Variants in ARHGAP5 observed in about 807,000 individuals in gnomAD.
ARHGAP5 encodes rho GTPase-activating protein 5.
In ARHGAP5, 23 loss-of-function variants were observed where a neutral mutation model predicts 116.6. The ratio of observed to expected loss-of-function variants is 0.20; its 90% confidence interval spans 0.14 to 0.28. The LOEUF (loss-of-function observed/expected upper bound fraction) is 0.28, where lower values mean the gene tolerates loss of function less well. Ranked by LOEUF, ARHGAP5 falls within the 10% of genes least tolerant of loss-of-function variation. The pLI is 1.00. For synonymous variants in ARHGAP5, 574 were observed against 602.0 expected (o/e 0.95, Z 0.68); for missense variants, 1,405 against 1,774.8 (o/e 0.79, Z 3.74).
At chr14:32,087,188 CAAT>C (rs1016006886) in intron 1 of ARHGAP5, among the ~76,000 whole-genome samples, 7 of 150,622 alleles carry the variant, frequency 4.6e-5, no homozygotes, top group African/African-American at 1.2e-4. Flanking sequence ...TGAAAAAAAA[CAAT>C]AAATTTTTTT....
At chr14:32,111,502 T>C (rs1226828237) in intron 2 of ARHGAP5, among the ~76,000 whole-genome samples, 1 of 152,124 alleles carries the variant, frequency 6.6e-6, no homozygotes, top group Non-Finnish European at 1.5e-5. Flanking sequence ...TAGTGGAGTT[T>C]TGAGGGTGAT....
intron 2 of ARHGAP5, among the ~76,000 whole-genome samples, chr14:32,110,510 A>G (rs983232012): frequency 6.6e-6 from 1 of 152,176 alleles, no homozygotes; most frequent in African/African-American, 2.4e-5. Context: ...CAAAAGTGCA[A>G]GGCAGGAGCA....
intron 3 of ARHGAP5, among the ~76,000 whole-genome samples, chr14:32,117,772 A>G (rs1435137709): frequency 6.6e-6 from 1 of 152,118 alleles, no homozygotes; most frequent in Non-Finnish European, 1.5e-5. Flanking sequence ...GACATGGTTT[A>G]TATGATTTGA....
chr14:32,129,553 T>A (rs1186329462), intron 3 of ARHGAP5, among the ~76,000 whole-genome samples: 1 of 152,230 alleles, frequency 6.6e-6, no homozygotes, highest in Non-Finnish European at 1.5e-5. Flanking sequence ...TGAAAATGGA[T>A]GAATGAATCT....
chr14:32,110,589 G>A (rs1261711373), intron 2 of ARHGAP5, among the ~76,000 whole-genome samples: 1 of 151,490 alleles, frequency 6.6e-6, no homozygotes, highest in Non-Finnish European at 1.5e-5. Context: ...AGGGAAATTA[G>A]GTCAAAATGT....
intron 1 of ARHGAP5, among the ~76,000 whole-genome samples, chr14:32,080,078 G>A (rs1013328909): frequency 6.6e-6 from 1 of 151,866 alleles, no homozygotes; most frequent in Admixed American, 6.6e-5. Flanking sequence ...GGCTTTTGTC[G>A]ATTATTTTAT....
At chr14:32,104,603 AC>A (rs1389959232) in intron 2 of ARHGAP5, among the ~76,000 whole-genome samples, 1 of 152,152 alleles carries the variant, frequency 6.6e-6, no homozygotes, top group Non-Finnish European at 1.5e-5. Context: ...CTTCTTTCTT[AC>A]ACCAGTGTGT....
rs1453297411 is a variant in ARHGAP5 at position 32,091,101 on chromosome 14, T to C, written c.432T>C (p.Phe144=). Residue 144 remains phenylalanine, a synonymous_variant, in exon 2 of 7, where the codon TTT becomes TTC. Coordinates refer to ENST00000345122, the MANE Select transcript of ARHGAP5 (RefSeq NM_001030055.2). ...ATCAGCTAGGCTTAGAACAAGACTT[T>C]GAACAGAAGCAAATGCCTGAAGGGA... ...CTDQLGLEQD[F]EQKQMPEGKL... 2 of 1,613,698 alleles carry C rather than the reference T, an allele frequency of 1.2e-6. No individual in the cohort carries two copies. Among genetic ancestry groups the C allele is most frequent in the Non-Finnish European group, 1.7e-6 (2 of 1,179,668 alleles).
Position 32,154,953 on chromosome 14 carries a change from G to A in ARHGAP5, c.*5G>A. 1 of 1,605,406 alleles carries A rather than the reference G, an allele frequency of 6.2e-7. No homozygotes were observed. Reference sequence around the variant, plus strand: ...GATCCTCTTGGTATTATATGAGTAGGAAGTGATTGCAAACAGGCTGGATTT... The same window carrying A: ...GATCCTCTTGGTATTATATGAGTAGAAAGTGATTGCAAACAGGCTGGATTT... On this transcript the variant is annotated 3_prime_UTR_variant, in exon 7 of 7. Coordinates refer to ENST00000345122, the MANE Select transcript of ARHGAP5 (RefSeq NM_001030055.2).
In ARHGAP5 at chr14:32,158,991, TTTTC is replaced by T. The variant is rs1235441727; in HGVS notation, c.*4047_*4050del. 6.6e-6 allele frequency: 1 copy of T among 152,006 alleles called. No individual in the cohort carries two copies. The highest frequency in any genetic ancestry group is 1.5e-5 in the Non-Finnish European group (1 of 67,930). 9.4% of individuals were successfully genotyped at this position (152,006 alleles called of 1,614,324 possible). ...TCCATTTTTTCCTCCACTATATGAG[TTTTC>T]TTTGTCAGGGGGAGAGGAGTGGGAA... is the stretch of plus-strand genomic sequence containing the variant. On this transcript the variant is annotated 3_prime_UTR_variant, in exon 7 of 7. Coordinates refer to ENST00000345122, the MANE Select transcript of ARHGAP5 (RefSeq NM_001030055.2).
chr14:32,082,530 C>T (rs2041787398), intron 1 of ARHGAP5, among the ~76,000 whole-genome samples: 1 of 151,940 alleles, frequency 6.6e-6, no homozygotes, highest in South Asian at 2.1e-4. Flanking sequence ...TCTTGCATTG[C>T]TCTTTTATTG....
chr14:32,153,918 G>A (rs1186084341), intron 6 of ARHGAP5: 1 of 151,072 alleles, frequency 6.6e-6, no homozygotes, highest in Non-Finnish European at 1.5e-5. Flanking sequence ...GAGAGAGAAA[G>A]AAAGAGAGAG....
At chr14:32,101,541 G>T (rs535000343) in intron 2 of ARHGAP5, among the ~76,000 whole-genome samples, 84 of 151,762 alleles carry the variant, frequency 5.5e-4, no homozygotes, top group Admixed American at 3.9e-3. Context: ...TGAGAAAAGC[G>T]TGCTTTTTGT....
intron 3 of ARHGAP5, among the ~76,000 whole-genome samples, 200 bp downstream of exon 3, chr14:32,117,487 C>T (rs564699290): frequency 4.9e-4 from 74 of 152,134 alleles, no homozygotes; most frequent in Non-Finnish European, 7.9e-4. Flanking sequence ...TTGGACTTCT[C>T]TTGAAGTAAT....
intron 1 of ARHGAP5, among the ~76,000 whole-genome samples, chr14:32,084,913 G>A (rs1283482158): frequency 6.6e-6 from 1 of 151,984 alleles, no homozygotes; most frequent in African/African-American, 2.4e-5. Context: ...GAAGGCTGAG[G>A]AAGGAGGATC....
rs560084391 is a variant in ARHGAP5, at chr14:32,092,496, A to G, written c.1827A>G (p.Glu609=). 2 of 1,614,052 alleles carry G rather than the reference A, an allele frequency of 1.2e-6. No individual in the cohort carries two copies. Among genetic ancestry groups the G allele is most frequent in the Non-Finnish European group, 8.5e-7 (1 of 1,179,890 alleles). The change falls in exon 2 of 7, where the codon GAA becomes GAG. Residue 609 remains glutamate, a synonymous_variant. Transcript: ENST00000345122. The surrounding 1 kb of genome is among the most constrained non-coding windows in gnomAD (Gnocchi z 4.1). ...FILGKDGLAQ[E]LANEIRTQST... ...TAGGGAAGGATGGCCTTGCCCAAGA[A>G]CTAGCAAATGAGATAAGGACACAAT... is the stretch of plus-strand genomic sequence containing the variant.
rs377415600 is a variant in ARHGAP5 at position 32,077,414 on chromosome 14, C to T, written c.-190C>T. 2 of 706,192 alleles carry T rather than the reference C, an allele frequency of 2.8e-6. No homozygotes were observed. The highest frequency in any genetic ancestry group is 3.5e-5 in the African/African-American group (2 of 57,338). The allele number at this position is 706,192 out of a possible 1,614,324, so 43.7% of individuals were successfully genotyped here. A position where few individuals can be genotyped will look rare whatever the true frequency, so the allele number is the denominator to read the frequency against. Reference sequence around the variant, plus strand: ...GGGGCCGCTGCCGTTGAGGAGGAGACGGAGGAGACCGACGTTGTTAGGTAG... The same window carrying T: ...GGGGCCGCTGCCGTTGAGGAGGAGATGGAGGAGACCGACGTTGTTAGGTAG... On this transcript the variant is annotated 5_prime_UTR_variant, in exon 1 of 7. The change creates a new upstream start codon in the 5' untranslated region. Coordinates refer to ENST00000345122, the MANE Select transcript of ARHGAP5 (RefSeq NM_001030055.2).
At chr14:32,149,141 C>T (rs1304239688) in intron 4 of ARHGAP5, among the ~76,000 whole-genome samples, 1 of 150,378 alleles carries the variant, frequency 6.6e-6, no homozygotes, top group Non-Finnish European at 1.5e-5. Flanking sequence ...AACCTGTATG[C>T]ATATTTATTT....
rs537520996 is a variant in ARHGAP5, at chr14:32,092,096, G to C, written c.1427G>C (p.Gly476Ala). Residue 476 changes from glycine (G) to alanine (A), a missense_variant, in exon 2 of 7, where the codon GGT becomes GCT. This residue lies in a region of ARHGAP5 where 944 missense variants were observed against 1,095.3 expected (regional missense o/e 0.86). Coordinates refer to ENST00000345122, the MANE Select transcript of ARHGAP5 (RefSeq NM_001030055.2). The surrounding 1 kb of genome is among the most constrained non-coding windows in gnomAD (Gnocchi z 4.1). ...GAGGCTGATAGCAAAGAGGTATATG[G>C]TAGGCATCAGCGAGAAATAGTTGAA... ...ITEADSKEVYGRHQREIVEKA... is the reference protein window; with the variant it reads ...ITEADSKEVYARHQREIVEKA... The C allele has an allele frequency of 1.2e-6, 2 of 1,613,874 alleles. No individual in the cohort carries two copies. Among genetic ancestry groups the C allele is most frequent in the Non-Finnish European group, 1.7e-6 (2 of 1,179,818 alleles).
Sources: allele counts gnomAD v4.1 joint callset (sites outside exome capture counted in the v4.1 genomes callset), GRCh38; gene constraint gnomAD v4.1.1; regional missense constraint gnomAD v4.1.1; non-coding constraint Gnocchi (gnomAD v3.1); transcripts MANE v1.5; gene names NCBI Gene and HGNC (gene_info 2026-07-23, HGNC 2026-07-21).